TMPRSS15: variants seen among roughly 807,000 people sequenced by gnomAD.
TMPRSS15 encodes enteropeptidase.
TMPRSS15 carries 128 observed loss-of-function variants against 125.3 expected under a neutral mutation model. That is an observed-to-expected ratio of 1.02 (90% CI 0.89 to 1.18). The LOEUF is 1.18. Ranked by LOEUF, TMPRSS15 falls within the 50% of genes most tolerant of loss-of-function variation. TMPRSS15 has a pLI of 0.00. For missense variants in TMPRSS15, 1,283 were observed against 1,212.7 expected (o/e 1.06, Z -0.86); for synonymous variants, 446 against 423.2 (o/e 1.05, Z -0.66).
chr21:18,451,483 A>C (rs1213331183), intron 1 of TMPRSS15, among the ~76,000 whole-genome samples: 2 of 152,160 alleles, frequency 1.3e-5, no homozygotes, highest in East Asian at 3.9e-4. Flanking sequence ...ACTGAAAATA[A>C]AAGCCAATTT....
chr21:18,456,259 T>G (rs1419639761), intron 1 of TMPRSS15, among the ~76,000 whole-genome samples: 1 of 152,134 alleles, frequency 6.6e-6, no homozygotes, highest in East Asian at 1.9e-4. Context: ...CCTTAGAACT[T>G]CAGCCTTCAT....
intron 1 of TMPRSS15, among the ~76,000 whole-genome samples, chr21:18,453,178 T>A (rs1978374858): frequency 6.6e-6 from 1 of 152,232 alleles, no homozygotes; most frequent in African/African-American, 2.4e-5. Flanking sequence ...TGTGTCAGTT[T>A]TGTTGTCTTC....
In TMPRSS15 at chr21:18,269,971, A is replaced by G; in HGVS notation, c.3058T>C (p.Ter1020GlnextTer4). Residue 1020 changes from the stop codon to glutamine, a stop_lost, in exon 25 of 25, where the codon TAG becomes CAG. Transcript: ENST00000284885. ...TCCTGTTTAGTTTAAGAAATGCGCTAATGTAGAAAACTTTGTATCCATTCG... is the reference window on the plus strand; with the variant it reads ...TCCTGTTTAGTTTAAGAAATGCGCTGATGTAGAAAACTTTGTATCCATTCG... Reference protein sequence around the residue: ...FTEWIQSFLH* With the variant: ...FTEWIQSFLHQ 6.2e-7 allele frequency: 1 copy of G among 1,613,786 alleles called. No homozygotes were observed. The highest frequency in any genetic ancestry group is 8.5e-7 in the Non-Finnish European group (1 of 1,179,764).
At chr21:18,423,770 C>T (rs182036275) in intron 1 of TMPRSS15, among the ~76,000 whole-genome samples, 16 of 152,210 alleles carry the variant, frequency 1.1e-4, no homozygotes, top group Non-Finnish European at 2.1e-4. Context: ...TAGTGATACA[C>T]TCAATTCATA....
At chr21:18,435,396 C>T (rs3916696) in intron 1 of TMPRSS15, among the ~76,000 whole-genome samples, 17,767 of 151,948 alleles carry the variant, frequency 0.12, 1,176 homozygotes, top group African/African-American at 0.16. Context: ...AATCATGTGG[C>T]TTTTGTCTTT....
At position 18,315,171 on chromosome 21, in the gene TMPRSS15, C is replaced by T. The variant is rs1310058395; in HGVS notation, c.2007G>A (p.Glu669=). Residue 669 remains glutamate, a synonymous_variant, in exon 17 of 25, where the codon GAG becomes GAA. Coordinates refer to ENST00000284885, the MANE Select transcript of TMPRSS15 (RefSeq NM_002772.3). ...VNLCDGHLHC[E]DGSDEADCVR... is the part of the protein sequence containing the mutation. ...CACAATCTGCTTCATCTGAGCCATC[C>T]TCACAGTGCAGATGACCGTCACAGA... The T allele has an allele frequency of 1.2e-6, 2 of 1,613,622 alleles. No individual in the cohort carries two copies. Among genetic ancestry groups the T allele is most frequent in the East Asian group, 2.2e-5 (1 of 44,870 alleles).
At chr21:18,347,636 GCTGT>G (rs1343152345) in intron 10 of TMPRSS15, among the ~76,000 whole-genome samples, 1 of 151,956 alleles carries the variant, frequency 6.6e-6, no homozygotes, top group Non-Finnish European at 1.5e-5. Flanking sequence ...ATATGAATTA[GCTGT>G]CTGTTGTTTA....
At chr21:18,326,213 G>A (rs960140276) in intron 16 of TMPRSS15, among the ~76,000 whole-genome samples, 1 of 152,132 alleles carries the variant, frequency 6.6e-6, no homozygotes. Context: ...AGAAATCCAA[G>A]TAGGTCTGCT....
At chr21:18,375,566 A>G (rs140015511) in intron 5 of TMPRSS15, among the ~76,000 whole-genome samples, 96 of 152,318 alleles carry the variant, frequency 6.3e-4, no homozygotes, top group African/African-American at 1.8e-3. Flanking sequence ...TTAAAAGCTA[A>G]TCAAATTTCC....
At chr21:18,448,584 A>AT (rs1273620198) in intron 1 of TMPRSS15, among the ~76,000 whole-genome samples, 1 of 152,092 alleles carries the variant, frequency 6.6e-6, no homozygotes. Context: ...ATTTAGTTGG[A>AT]TTTTTTAAAA....
At chr21:18,322,384 C>A (rs979137028) in intron 16 of TMPRSS15, among the ~76,000 whole-genome samples, 5 of 151,976 alleles carry the variant, frequency 3.3e-5, no homozygotes, top group Non-Finnish European at 5.9e-5. Context: ...GATATTTATC[C>A]AAAAGAAAGA....
intron 16 of TMPRSS15, among the ~76,000 whole-genome samples, chr21:18,316,693 GT>G (rs2075170728): frequency 1.3e-5 from 2 of 151,988 alleles, no homozygotes; most frequent in African/African-American, 2.4e-5. Context: ...CAGAGTTTGG[GT>G]TGTGCAAAAA....
At chr21:18,444,173 C>A (rs1601464908) in intron 1 of TMPRSS15, among the ~76,000 whole-genome samples, 1 of 152,148 alleles carries the variant, frequency 6.6e-6, no homozygotes, top group African/African-American at 2.4e-5. Context: ...GTTGCAGCAG[C>A]CTGTTGCCCC....
At chr21:18,338,302 A>T (rs1297014857) in intron 13 of TMPRSS15, among the ~76,000 whole-genome samples, 1 of 152,130 alleles carries the variant, frequency 6.6e-6, no homozygotes, top group African/African-American at 2.4e-5. Flanking sequence ...CTTCTTTATT[A>T]TTTATGAATA....
chr21:18,472,480 T>TATATATATATAC lies in TMPRSS15; in HGVS notation c.10+13318_10+13319insGTATATATATAT, dbSNP rs1491127013. On this transcript the variant is annotated intron_variant, in intron 1 of 7. Coordinates refer to the TMPRSS15 transcript ENST00000422787. ...TTATATATATATATATATATATATA[T>TATATATATATAC]ACACACACACACACATACACACACA... Among the ~76,000 whole-genome samples, 80 of 112,336 alleles carry TATATATATATAC rather than the reference T, an allele frequency of 7.1e-4. 1 individual carries two copies. The highest frequency in any genetic ancestry group is 2.3e-3 in the African/African-American group (75 of 32,480). The allele number at this position is 112,336 out of a possible 152,430, so 73.7% of individuals were successfully genotyped here.
At chr21:18,382,679 T>C (rs2075903575) in intron 4 of TMPRSS15, among the ~76,000 whole-genome samples, 1 of 152,192 alleles carries the variant, frequency 6.6e-6, no homozygotes, top group African/African-American at 2.4e-5. Flanking sequence ...TAGATATTTA[T>C]GTATTGGCTA....
intron 1 of TMPRSS15, among the ~76,000 whole-genome samples, chr21:18,423,502 G>A (rs2076196570): frequency 6.7e-6 from 1 of 150,156 alleles, no homozygotes; most frequent in Admixed American, 6.7e-5. Context: ...TCCGCCTCCC[G>A]GGTTCAGGCC....
chr21:18,353,400 C>CA (rs2075591676), intron 9 of TMPRSS15, among the ~76,000 whole-genome samples: 1 of 151,668 alleles, frequency 6.6e-6, no homozygotes, highest in African/African-American at 2.4e-5. Flanking sequence ...TACCTTGATC[C>CA]AAATTAAGTT....
At chr21:18,273,419 C>G (rs764540353) in intron 24 of TMPRSS15, among the ~76,000 whole-genome samples, 13 of 152,174 alleles carry the variant, frequency 8.5e-5, no homozygotes, top group Non-Finnish European at 1.3e-4. Context: ...AATCATGTGA[C>G]AGTCTAGTGT....
Sources: allele counts gnomAD v4.1 joint callset (sites outside exome capture counted in the v4.1 genomes callset), GRCh38; gene constraint gnomAD v4.1.1; transcripts MANE v1.5; gene names NCBI Gene and HGNC (gene_info 2026-07-23, HGNC 2026-07-21).